Variants in WIPI2 observed in about 807,000 individuals in gnomAD.
WIPI2 encodes WD repeat domain, phosphoinositide interacting 2.
In WIPI2, 28 loss-of-function variants were observed where a neutral mutation model predicts 52.3. The observed-to-expected ratio is 0.54, with a 90% CI of 0.40 to 0.73. The LOEUF (loss-of-function observed/expected upper bound fraction) is 0.73, where lower values mean the gene tolerates loss of function less well. Among genes scored for constraint, WIPI2 ranks in the 30% least tolerant of loss-of-function variants. The pLI, the probability that WIPI2 is intolerant of heterozygous loss-of-function variation, is 0.00. For missense variants in WIPI2, 506 were observed against 602.9 expected (o/e 0.84, Z 1.68); for synonymous variants, 268 against 245.0 (o/e 1.09, Z -0.88).
intron 3 of WIPI2, among the ~76,000 whole-genome samples, chr7:5,200,709 G>A (rs917442026): frequency 3.9e-5 from 6 of 152,248 alleles, no homozygotes; most frequent in Admixed American, 2.0e-4. Flanking sequence ...CTCCTGGCCC[G>A]CCAGCAGGTG....
At chr7:5,205,556 C>T (rs2115242621) in intron 3 of WIPI2, among the ~76,000 whole-genome samples, 1 of 152,226 alleles carries the variant, frequency 6.6e-6, no homozygotes, top group East Asian at 1.9e-4. Flanking sequence ...CTGCCCATGT[C>T]CCCACAGGAG....
At chr7:5,221,131 T>G (rs1424134738) in intron 7 of WIPI2, among the ~76,000 whole-genome samples, 19 of 151,816 alleles carry the variant, frequency 1.3e-4, no homozygotes. Flanking sequence ...GCCCAGCTAA[T>G]TTTGTATTTT....
At chr7:5,218,145 C>CA in intron 7 of WIPI2, 131 bp downstream of exon 7, 1 of 928,456 alleles carries the variant, frequency 1.1e-6, no homozygotes, top group Non-Finnish European at 1.7e-6. Flanking sequence ...GACAGCCACC[C>CA]ACTTGTCAGG....
At chr7:5,222,846 C>G (rs993313319) in intron 8 of WIPI2, 174 bp downstream of exon 8, 19 of 622,808 alleles carry the variant, frequency 3.1e-5, no homozygotes, top group South Asian at 1.7e-4. Flanking sequence ...AATTGAAGAG[C>G]ACTTTCAGAA....
chr7:5,215,010 A>C (rs920644534), intron 4 of WIPI2, among the ~76,000 whole-genome samples: 22 of 152,116 alleles, frequency 1.4e-4, no homozygotes, highest in Admixed American at 1.4e-3. Flanking sequence ...TATAAATGTT[A>C]CTTAAAAAAA....
At chr7:5,203,316 T>C (rs1269712856) in intron 3 of WIPI2, among the ~76,000 whole-genome samples, 1 of 152,244 alleles carries the variant, frequency 6.6e-6, no homozygotes, top group Non-Finnish European at 1.5e-5. Flanking sequence ...GGTGCTGGAA[T>C]GCTGGCCTCT....
chr7:5,219,464 T>C (rs76830581), intron 7 of WIPI2, among the ~76,000 whole-genome samples: 1 of 143,520 alleles, frequency 7.0e-6, no homozygotes, highest in Non-Finnish European at 1.5e-5. Context: ...TTTTTTTTTT[T>C]CTGGACTATA....
Position 5,230,764 on chromosome 7 carries a change from C to A in WIPI2, c.1253-71C>A. The A allele has an allele frequency of 3.5e-6, 4 of 1,159,194 alleles. No homozygotes were observed. The highest frequency in any genetic ancestry group is 2.4e-5 in the Admixed American group (1 of 42,334). 71.8% of individuals were successfully genotyped at this position (1,159,194 alleles called of 1,614,324 possible). ...TACACCAGTGTTTCCAAAACACAGT[C>A]CTCAGTGTGTGTCATGGGGTCTGTG... On this transcript the variant is annotated intron_variant, in intron 12 of 12. Coordinates refer to ENST00000288828, the MANE Select transcript of WIPI2 (RefSeq NM_015610.4). This position sits in a 1 kb window ranked among gnomAD's most constrained non-coding sequence, Gnocchi z 4.8.
intron 3 of WIPI2, among the ~76,000 whole-genome samples, chr7:5,205,744 G>A (rs1301166070): frequency 1.3e-5 from 2 of 152,092 alleles, no homozygotes; most frequent in Non-Finnish European, 2.9e-5. Flanking sequence ...CTGACCTCAA[G>A]TGATCCACCT....
chr7:5,222,486 C>T, intron 7 of WIPI2, 116 bp from the exon 8 acceptor site: 1 of 1,099,408 alleles, frequency 9.1e-7, no homozygotes, highest in South Asian at 1.3e-5. Flanking sequence ...CCTTGGTGGC[C>T]CAGGGCAGAG....
intron 4 of WIPI2, among the ~76,000 whole-genome samples, chr7:5,215,267 T>TGTC (rs1480957478): frequency 4.4e-5 from 2 of 45,302 alleles, no homozygotes; most frequent in East Asian, 2.2e-3. Context: ...GCCAAGGTCA[T>TGTC]GTCATTGCAC....
intron 2 of WIPI2, among the ~76,000 whole-genome samples, chr7:5,194,788 T>C (rs1482880936): frequency 6.6e-6 from 1 of 152,166 alleles, no homozygotes; most frequent in African/African-American, 2.4e-5. Context: ...TTTAAAAGGC[T>C]TAAACTCATA....
intron 3 of WIPI2, among the ~76,000 whole-genome samples, chr7:5,202,255 T>TCACA (rs528197140): frequency 1.3e-5 from 2 of 152,140 alleles, no homozygotes; most frequent in Admixed American, 6.5e-5. Flanking sequence ...AAAAGAAAAT[T>TCACA]CACACACACA....
intron 8 of WIPI2, among the ~76,000 whole-genome samples, chr7:5,224,660 CAGTG>C (rs1273868331): frequency 6.6e-6 from 1 of 152,194 alleles, no homozygotes; most frequent in Non-Finnish European, 1.5e-5. Flanking sequence ...TTCTTGCACT[CAGTG>C]AGTTCCTGGC....
Position 5,227,860 on chromosome 7 carries a change from A to G in WIPI2, c.1014-244A>G, listed in dbSNP as rs115382244. Among the ~76,000 whole-genome samples the G allele has an allele frequency of 3.7e-3, 560 of 152,262 alleles. 6 individuals carry two copies. Among genetic ancestry groups the G allele is most frequent in the African/African-American group, 0.013 (525 of 41,546 alleles). On this transcript the variant is annotated intron_variant, in intron 10 of 12. Transcript: ENST00000288828. This position sits in a 1 kb window ranked among gnomAD's most constrained non-coding sequence, Gnocchi z 8.1. ...ACTTCTCTGACGATGACTACCTATAATAATCCCAGAAGCCACAAAACTGGT... is the reference window on the plus strand; with the variant it reads ...ACTTCTCTGACGATGACTACCTATAGTAATCCCAGAAGCCACAAAACTGGT...
chr7:5,202,782 A>T (rs1782093361), intron 3 of WIPI2, among the ~76,000 whole-genome samples: 1 of 152,136 alleles, frequency 6.6e-6, no homozygotes, highest in Admixed American at 6.6e-5. Flanking sequence ...TGTTGTCGTC[A>T]TTTTTTGAAT....
intron 3 of WIPI2, among the ~76,000 whole-genome samples, chr7:5,202,623 C>T (rs569071291): frequency 1.3e-5 from 2 of 151,578 alleles, no homozygotes; most frequent in East Asian, 3.9e-4. Context: ...TGGCCTCAAG[C>T]AGTCCTCCCA....
intron 1 of WIPI2, among the ~76,000 whole-genome samples, chr7:5,191,614 G>T (rs1055520259): frequency 6.6e-6 from 1 of 152,172 alleles, no homozygotes; most frequent in Non-Finnish European, 1.5e-5. Flanking sequence ...TTTCTGGAGA[G>T]AGAAGGGTGA....
intron 2 of WIPI2, among the ~76,000 whole-genome samples, chr7:5,197,441 T>C (rs1229053519): frequency 2.0e-5 from 3 of 152,194 alleles, no homozygotes. Flanking sequence ...TTGGTTCTTT[T>C]ATTAATTTTC....
Sources: allele counts gnomAD v4.1 joint callset (sites outside exome capture counted in the v4.1 genomes callset), GRCh38; gene constraint gnomAD v4.1.1; non-coding constraint Gnocchi (gnomAD v3.1); transcripts MANE v1.5; gene names NCBI Gene and HGNC (gene_info 2026-07-23, HGNC 2026-07-21).